DTNA: variants seen among roughly 807,000 people sequenced by gnomAD.
DTNA encodes the protein dystrophin-related protein 3.
DTNA carries 43 observed loss-of-function variants against 100.7 expected under a neutral mutation model. The observed-to-expected ratio is 0.43, with a 90% CI of 0.33 to 0.55. The LOEUF (loss-of-function observed/expected upper bound fraction) is 0.55. Among genes scored for constraint, DTNA ranks in the 20% least tolerant of loss-of-function variants. The pLI is 0.04. For missense variants in DTNA, 798 were observed against 953.9 expected (o/e 0.84, Z 2.15); for synonymous variants, 349 against 347.9 (o/e 1.00, Z -0.04).
intron 1 of DTNA, among the ~76,000 whole-genome samples, chr18:34,690,546 A>C (rs2079607040): frequency 6.6e-6 from 1 of 152,194 alleles, no homozygotes; most frequent in South Asian, 2.1e-4. Context: ...CGTTGGTCTC[A>C]CTGGGAGCTG....
intron 1 of DTNA, among the ~76,000 whole-genome samples, chr18:34,711,799 CA>C (rs1409619906): frequency 1.3e-5 from 2 of 152,002 alleles, no homozygotes; most frequent in African/African-American, 4.8e-5. Context: ...AATCATTATT[CA>C]AAAAAATTAT....
At chr18:34,821,223 A>C (rs1344382634) in intron 9 of DTNA, 2 of 512,490 alleles carry the variant, frequency 3.9e-6, no homozygotes, top group East Asian at 9.9e-5. Context: ...CAATGGGATC[A>C]CTGTGGTAAA....
chr18:34,771,318 T>C (rs907129738), intron 3 of DTNA, among the ~76,000 whole-genome samples: 2 of 151,872 alleles, frequency 1.3e-5, no homozygotes, highest in Non-Finnish European at 2.9e-5. Context: ...GCTAACATGG[T>C]GATACCCCAT....
intron 1 of DTNA, among the ~76,000 whole-genome samples, chr18:34,601,726 C>T (rs2147203614): frequency 6.6e-6 from 1 of 152,326 alleles, no homozygotes; most frequent in East Asian, 1.9e-4. Flanking sequence ...GACTTTTCAG[C>T]TGTCTAAATC....
rs76564842 is a variant in DTNA, at chr18:34,721,826, A to G, written c.-2+11381A>G. Among the ~76,000 whole-genome samples, 3 of 152,250 alleles carry G rather than the reference A, an allele frequency of 2.0e-5. No homozygotes were observed. The East Asian group carries it at 5.8e-4, about 29-fold the overall frequency. ...CTTTAAAAACCTTCCCTTACCTGAC[A>G]TTGCCCTTGAGTTTAGTTATCTTCC... On this transcript the variant is annotated intron_variant, in intron 1 of 22. Coordinates refer to ENST00000444659, the MANE Select transcript of DTNA (RefSeq NM_001386795.1).
chr18:34,875,529 C>G, intron 18 of DTNA, 131 bp downstream of exon 18: 1 of 1,361,866 alleles, frequency 7.3e-7, no homozygotes, highest in Non-Finnish European at 1.0e-6. Flanking sequence ...GTGTCAGAGC[C>G]TGGCCTGCCA....
intron 1 of DTNA, among the ~76,000 whole-genome samples, chr18:34,601,786 A>G (rs958548402): frequency 1.3e-5 from 2 of 152,120 alleles, no homozygotes; most frequent in African/African-American, 4.8e-5. Context: ...CTCCACCACT[A>G]TGGAATTCTA....
chr18:34,730,268 T>C (rs965051984), intron 1 of DTNA, among the ~76,000 whole-genome samples: 2 of 152,216 alleles, frequency 1.3e-5, no homozygotes, highest in African/African-American at 2.4e-5. Flanking sequence ...TGACAACAGC[T>C]TGAGATTTAT....
intron 1 of DTNA, among the ~76,000 whole-genome samples, chr18:34,677,128 T>TG (rs1227397464): frequency 6.6e-6 from 1 of 152,034 alleles, no homozygotes; most frequent in Non-Finnish European, 1.5e-5. Flanking sequence ...TCACTATCTG[T>TG]GATATATGGG....
chr18:34,660,307 C>T (rs1165125303), intron 1 of DTNA, among the ~76,000 whole-genome samples: 1 of 151,764 alleles, frequency 6.6e-6, no homozygotes, highest in Non-Finnish European at 1.5e-5. Flanking sequence ...GTCAGACATC[C>T]TCCCTTTGGA....
intron 1 of DTNA, among the ~76,000 whole-genome samples, chr18:34,520,296 G>A (rs570009871): frequency 4.6e-5 from 7 of 152,280 alleles, no homozygotes; most frequent in African/African-American, 1.7e-4. Flanking sequence ...AATAGATTCT[G>A]GGATGGATCC....
At chr18:34,836,277 A>G (rs1188519777) in intron 11 of DTNA, among the ~76,000 whole-genome samples, 1 of 152,228 alleles carries the variant, frequency 6.6e-6, no homozygotes, top group Non-Finnish European at 1.5e-5. Context: ...TTAAAAGGAA[A>G]ACATCAATAT....
chr18:34,518,048 A>G (rs1406663472), intron 1 of DTNA, among the ~76,000 whole-genome samples: 1 of 152,166 alleles, frequency 6.6e-6, no homozygotes, highest in Non-Finnish European at 1.5e-5. Flanking sequence ...CATTCCCATA[A>G]ACAATGTGTG....
chr18:34,588,947 G>T (rs2049410621), intron 1 of DTNA, among the ~76,000 whole-genome samples: 1 of 150,836 alleles, frequency 6.6e-6, no homozygotes, highest in Non-Finnish European at 1.5e-5. Flanking sequence ...CCCATTATTT[G>T]CTATCAAATA....
chr18:34,870,525 ACT>A (rs754992385), intron 17 of DTNA, among the ~76,000 whole-genome samples: 1 of 151,956 alleles, frequency 6.6e-6, no homozygotes, highest in African/African-American at 2.4e-5. Flanking sequence ...ACCCTCCCAG[ACT>A]CTCTCTTTTT....
chr18:34,815,823 T>C (rs1432062733), intron 6 of DTNA, 86 bp from the exon 7 acceptor site: 1 of 1,179,186 alleles, frequency 8.5e-7, no homozygotes, highest in African/African-American at 1.5e-5. Context: ...GCTCTTTTGT[T>C]TCAGTCTCAA....
At chr18:34,793,196 T>A (rs917081420) in intron 3 of DTNA, among the ~76,000 whole-genome samples, 1 of 152,114 alleles carries the variant, frequency 6.6e-6, no homozygotes. Context: ...GGAATGAGGA[T>A]GGATTGCAGA....
intron 1 of DTNA, among the ~76,000 whole-genome samples, chr18:34,612,225 G>A (rs974383235): frequency 2.6e-5 from 4 of 152,140 alleles, no homozygotes; most frequent in Admixed American, 6.5e-5. Context: ...CCATCTACGC[G>A]TGCCTGGACC....
chr18:34,860,983 A>ACTT (rs1274727338), intron 16 of DTNA, among the ~76,000 whole-genome samples: 1 of 152,176 alleles, frequency 6.6e-6, no homozygotes, highest in African/African-American at 2.4e-5. Context: ...ATATTTATGT[A>ACTT]CTTATATATG....
Sources: allele counts gnomAD v4.1 joint callset (sites outside exome capture counted in the v4.1 genomes callset), GRCh38; gene constraint gnomAD v4.1.1; transcripts MANE v1.5; gene names NCBI Gene and HGNC (gene_info 2026-07-23, HGNC 2026-07-21).